Variants in EDC3 observed in about 807,000 individuals in gnomAD.
EDC3 encodes enhancer of mRNA decapping 3.
In EDC3, 20 loss-of-function variants were observed where a neutral mutation model predicts 41.8. The ratio of observed to expected loss-of-function variants is 0.48; its 90% CI spans 0.34 to 0.70. EDC3 has a LOEUF of 0.70. EDC3 is among the 30% of genes least tolerant of loss of function. The probability of loss-of-function intolerance (pLI) is 0.01; values close to 1 mark genes in which losing one functional copy is unlikely to be tolerated. For synonymous variants in EDC3, 206 were observed against 243.2 expected (o/e 0.85, Z 1.42); for missense variants, 444 against 636.8 (o/e 0.70, Z 3.26).
In EDC3 at chr15:74,671,353, T is replaced by C; in HGVS notation, c.484+102A>G. 2.3e-6 allele frequency: 3 copies of C among 1,304,976 alleles called. No homozygotes were observed. The highest frequency in any genetic ancestry group is 3.2e-6 in the Non-Finnish European group (3 of 940,432). The allele number at this position is 1,304,976 out of a possible 1,614,324, so 80.8% of individuals were successfully genotyped here. A position where few individuals can be genotyped will look rare whatever the true frequency, so the allele number is the denominator to read the frequency against. ...TCTGTGACGCTCAGCCAGCATCCATTTTATTGGAATAACAAAGGATTTGTT... is the reference window on the plus strand; with the variant it reads ...TCTGTGACGCTCAGCCAGCATCCATCTTATTGGAATAACAAAGGATTTGTT... On this transcript the variant is annotated intron_variant, in intron 3 of 6. Transcript: ENST00000315127. The surrounding 1 kb of genome is among the most constrained non-coding windows in gnomAD (Gnocchi z 4.6).
chr15:74,633,159 G>A (rs1380734951), intron 6 of EDC3, among the ~76,000 whole-genome samples: 1 of 152,230 alleles, frequency 6.6e-6, no homozygotes, highest in Non-Finnish European at 1.5e-5. Context: ...GTGCATGTCA[G>A]CCCAGCAGAC....
chr15:74,689,757 C>T (rs2062982795), intron 1 of EDC3, among the ~76,000 whole-genome samples: 1 of 152,198 alleles, frequency 6.6e-6, no homozygotes, highest in African/African-American at 2.4e-5. Flanking sequence ...ATCTCCTGAC[C>T]TCATGATCCG....
intron 3 of EDC3, among the ~76,000 whole-genome samples, chr15:74,663,659 G>C (rs907007493): frequency 3.4e-5 from 5 of 147,606 alleles, no homozygotes; most frequent in African/African-American, 1.2e-4. Context: ...TATTTGGGAG[G>C]AGAGAGTGCA....
chr15:74,667,745 T>C (rs558982175), intron 3 of EDC3, among the ~76,000 whole-genome samples: 54 of 152,246 alleles, frequency 3.5e-4, no homozygotes, highest in Admixed American at 3.3e-3. Context: ...TACATGCTGA[T>C]ATAAATAAAT....
At chr15:74,683,096 AAAC>A (rs2062893542) in intron 1 of EDC3, among the ~76,000 whole-genome samples, 1 of 152,244 alleles carries the variant, frequency 6.6e-6, no homozygotes, top group Non-Finnish European at 1.5e-5. Flanking sequence ...CACAAACTGG[AAAC>A]AACTCAGATA....
intron 4 of EDC3, among the ~76,000 whole-genome samples, chr15:74,654,704 G>A (rs2062524147): frequency 1.3e-5 from 2 of 151,460 alleles, no homozygotes; most frequent in Admixed American, 6.6e-5. Context: ...CTGACAGTTG[G>A]CCTATTTTTT....
At chr15:74,641,046 T>C (rs1032697654) in intron 4 of EDC3, 8 of 221,748 alleles carry the variant, frequency 3.6e-5, no homozygotes, top group Admixed American at 1.1e-4. Context: ...TTGTCCTTCC[T>C]GAGAAGTGGA....
intron 1 of EDC3, among the ~76,000 whole-genome samples, chr15:74,693,697 A>G (rs2063033572): frequency 6.6e-6 from 1 of 152,156 alleles, no homozygotes; most frequent in South Asian, 2.1e-4. Context: ...AGTAAGACTC[A>G]GTAAGACCAG....
intron 5 of EDC3, chr15:74,636,819 C>T (rs2062279152): frequency 6.6e-6 from 1 of 152,220 alleles, no homozygotes. Context: ...GAATTGCTCC[C>T]TTCAGAGGAT....
chr15:74,674,952 G>C lies in EDC3; in HGVS notation c.164+9C>G. ...GGTTGGATTCAGAAGAGTCAGTCAG[G>C]ACACTCACCTGAAGGTGACTTCTGG... On this transcript the variant is annotated intron_variant, in intron 2 of 6. Coordinates refer to ENST00000315127, the MANE Select transcript of EDC3 (RefSeq NM_025083.5). 1 of 1,613,842 alleles carries C rather than the reference G, an allele frequency of 6.2e-7. No homozygotes were observed.
chr15:74,669,990 C>T (rs927984325), intron 3 of EDC3, among the ~76,000 whole-genome samples: 4 of 150,620 alleles, frequency 2.7e-5, no homozygotes, highest in African/African-American at 9.8e-5. Context: ...ACCACAGGTG[C>T]ACGCTGCCAC....
At chr15:74,657,466 G>A (rs1021754599) in intron 3 of EDC3, among the ~76,000 whole-genome samples, 21 of 152,180 alleles carry the variant, frequency 1.4e-4, no homozygotes, top group African/African-American at 4.8e-4. Context: ...TTGTTCTCTC[G>A]CACACTCCCT....
chr15:74,692,548 AT>A (rs2063019732), intron 1 of EDC3, among the ~76,000 whole-genome samples: 1 of 152,350 alleles, frequency 6.6e-6, no homozygotes, highest in African/African-American at 2.4e-5. Flanking sequence ...CAAAGATGAC[AT>A]AAAAAAAAGG....
At position 74,671,313 on chromosome 15, in the gene EDC3, G is replaced by A; in HGVS notation, c.484+142C>T. 1 of 962,546 alleles carries A rather than the reference G, an allele frequency of 1.0e-6. No individual in the cohort carries two copies. The highest frequency in any genetic ancestry group is 1.5e-6 in the Non-Finnish European group (1 of 650,346). The allele number at this position is 962,546 out of a possible 1,614,324, so 59.6% of individuals were successfully genotyped here. A position where few individuals can be genotyped will look rare whatever the true frequency, so the allele number is the denominator to read the frequency against. ...TTGAGGAATGAGGCCTGGAGGAAGA[G>A]AACCATGTTGTATTTCTGTGACGCT... is the stretch of plus-strand genomic sequence containing the variant. On this transcript the variant is annotated intron_variant, in intron 3 of 6. Coordinates refer to ENST00000315127, the MANE Select transcript of EDC3 (RefSeq NM_025083.5). This position sits in a 1 kb window ranked among gnomAD's most constrained non-coding sequence, Gnocchi z 4.6.
intron 4 of EDC3, 123 bp downstream of exon 4, chr15:74,655,610 G>C: frequency 1.0e-6 from 1 of 983,136 alleles, no homozygotes; most frequent in South Asian, 1.7e-5. Context: ...TACCGGGCCA[G>C]CCACCAAGCC....
At chr15:74,689,857 A>ATT (rs1219928113) in intron 1 of EDC3, among the ~76,000 whole-genome samples, 1 of 152,254 alleles carries the variant, frequency 6.6e-6, no homozygotes, top group African/African-American at 2.4e-5. Context: ...CCAGGTAAGA[A>ATT]TACTTTAATT....
chr15:74,634,460 A>G (rs1285100730), intron 6 of EDC3, among the ~76,000 whole-genome samples: 1 of 152,138 alleles, frequency 6.6e-6, no homozygotes, highest in African/African-American at 2.4e-5. Context: ...TTGTAACTCT[A>G]GGCTGAATCC....
At chr15:74,649,060 ATT>A (rs1184258510) in intron 4 of EDC3, among the ~76,000 whole-genome samples, 8 of 115,914 alleles carry the variant, frequency 6.9e-5, no homozygotes, top group East Asian at 2.5e-4. Context: ...ACCCTGGCTA[ATT>A]TTTTTTTTTT....
In EDC3 at chr15:74,641,236, T is replaced by TC. The variant is rs772363826; in HGVS notation, c.821-618dup. On this transcript the variant is annotated intron_variant, in intron 4 of 6. Coordinates refer to ENST00000315127, the MANE Select transcript of EDC3 (RefSeq NM_025083.5). ...TTTTCTCAAATAATTTATCATTTTCTCCCCATCTGAGTTGGGTGTAACCCA... is the reference window on the plus strand; with the variant it reads ...TTTTCTCAAATAATTTATCATTTTCTCCCCCATCTGAGTTGGGTGTAACCCA... 1.1e-4 allele frequency: 17 copies of TC among 152,660 alleles called. No homozygotes were observed. In the East Asian group the frequency reaches 1.3e-3, roughly 12 times the overall value. The allele number at this position is 152,660 out of a possible 1,614,324, so 9.5% of individuals were successfully genotyped here.
Sources: gnomAD v4.1 joint callset for allele counts (sites outside exome capture counted in the v4.1 genomes callset) on GRCh38, gnomAD v4.1.1 for gene constraint, Gnocchi (gnomAD v3.1) non-coding constraint, MANE v1.5 for transcripts, NCBI Gene and HGNC (gene_info 2026-07-23, HGNC 2026-07-21) for gene names.